Variants in ACAP1 observed in about 807,000 individuals in gnomAD.
The protein encoded by ACAP1 is ArfGAP with coiled-coil, ankyrin repeat and PH domains 1, also known as arf-GAP with coiled-coil, ANK repeat and PH domain-containing protein 1.
In ACAP1, 45 loss-of-function variants were observed where a neutral mutation model predicts 98.8. That is an observed-to-expected ratio of 0.46 (90% CI 0.36 to 0.58). The LOEUF (loss-of-function observed/expected upper bound fraction) is 0.58, where lower values mean the gene tolerates loss of function less well. ACAP1 is among the 20% of genes least tolerant of loss of function. The pLI, the probability that ACAP1 is intolerant of heterozygous loss-of-function variation, is 0.00. For synonymous variants in ACAP1, 362 were observed against 375.3 expected (o/e 0.96, Z 0.41); for missense variants, 735 against 971.4 (o/e 0.76, Z 3.24).
Position 7,351,349 on chromosome 17 carries a change from A to C in ACAP1, c.2177A>C (p.Asp726Ala). The C allele has an allele frequency of 2.5e-6, 4 of 1,613,580 alleles. No homozygotes were observed. Among genetic ancestry groups the C allele is most frequent in the Non-Finnish European group, 2.5e-6 (3 of 1,179,760 alleles). The change falls in exon 22 of 22, where the codon GAC (aspartate) becomes GCC (alanine). Residue 726 changes from aspartate (D) to alanine (A), a missense_variant. Coordinates refer to ENST00000158762, the MANE Select transcript of ACAP1 (RefSeq NM_014716.4). ...GACTTCTCCCTCATGGCGTCAGACG[A>C]CCCGGAGAAGCTGAGCCGTCGCAGT... ...FRDFSLMASD[D>A]PEKLSRRSHD...
chr17:7,346,774 AC>A (rs2073350378), intron 12 of ACAP1, 33 bp from the exon 13 acceptor site: 9 of 1,594,418 alleles, frequency 5.6e-6, no homozygotes, highest in Non-Finnish European at 7.7e-6. Flanking sequence ...CAGGCCTCAG[AC>A]CCCTCTGCCA....
rs191833549 is a variant in ACAP1 at position 7,336,755 on chromosome 17, C to T, written c.21C>T (p.Phe7=). The T allele has an allele frequency of 1.9e-4, 299 of 1,613,930 alleles. No individual in the cohort carries two copies. The Middle Eastern group carries it at 3.0e-3, about 16-fold the overall frequency. Residue 7 remains phenylalanine (F), a synonymous_variant, in exon 1 of 22, where the codon TTC becomes TTT. Transcript: ENST00000158762. ...CTGAGATGACGGTCAAGCTGGATTT[C>T]GAGGAGTGTCTCAAGGACTCACCCC... The part of the protein sequence containing the change: MTVKLD[F]EECLKDSPRF...
chr17:7,348,292 C>T lies in ACAP1; in HGVS notation c.1509-14C>T. The T allele has an allele frequency of 6.3e-7, 1 of 1,593,472 alleles. No individual in the cohort carries two copies. The highest frequency in any genetic ancestry group is 8.6e-7 in the Non-Finnish European group (1 of 1,168,082). The stretch of plus-strand genomic sequence containing the variant: ...GCAGAAGAGGGAAGACTGCGTGCTT[C>T]TCCCCTCCCACAGGCAGGAGAAGGA... On this transcript the variant is annotated splice_polypyrimidine_tract_variant and intron_variant, in intron 16 of 21. Coordinates refer to ENST00000158762, the MANE Select transcript of ACAP1 (RefSeq NM_014716.4).
chr17:7,348,450 G>A lies in ACAP1; in HGVS notation c.1653G>A (p.Arg551=), dbSNP rs1378388739. 2.0e-6 allele frequency: 3 copies of A among 1,488,730 alleles called. No homozygotes were observed. Among genetic ancestry groups the A allele is most frequent in the Non-Finnish European group, 2.7e-6 (3 of 1,119,690 alleles). The allele number at this position is 1,488,730 out of a possible 1,614,324, so 92.2% of individuals were successfully genotyped here. A position where few individuals can be genotyped will look rare whatever the true frequency, so the allele number is the denominator to read the frequency against. The change falls in exon 17 of 22, where the codon CGG becomes CGA. Residue 551 remains arginine, a synonymous_variant. Transcript: ENST00000158762. ...PVPPKPSIRP[R]PGSLRSKPEP... ...CCCCAAAGCCTTCCATCAGGCCCCG[G>A]CCAGGGAGCTTGAGATCCAAGCCAG... is the stretch of plus-strand genomic sequence containing the variant.
At chr17:7,346,786 T>C in intron 12 of ACAP1, 22 bp from the exon 13 acceptor site, 1 of 1,602,690 alleles carries the variant, frequency 6.2e-7, no homozygotes, top group Non-Finnish European at 8.5e-7. Context: ...CCCTCTGCCA[T>C]CTCCCTCACC....
chr17:7,343,885 G>C lies in ACAP1; in HGVS notation c.598G>C (p.Ala200Pro). 1.2e-6 allele frequency: 2 copies of C among 1,613,334 alleles called. No individual in the cohort carries two copies. Among genetic ancestry groups the C allele is most frequent in the South Asian group, 1.1e-5 (1 of 91,038 alleles). Residue 200 changes from alanine (A) to proline (P), a missense_variant, in exon 8 of 22, where the codon GCT becomes CCT. Ala to Pro is a conservative substitution (Grantham distance 27). This residue lies in a region of ACAP1 where 430 missense variants were observed against 531.8 expected (regional missense o/e 0.81). Transcript: ENST00000158762. The surrounding 1 kb of genome is among the most constrained non-coding windows in gnomAD (Gnocchi z 4.9). ...EFVLRLVEAQ[A>P]THFQQGHEEL... Reference sequence around the variant, plus strand: ...GGTGCTGCGTTTGGTGGAGGCCCAGGCTACCCATTTCCAGCAGGGCCATGA... The same window carrying C: ...GGTGCTGCGTTTGGTGGAGGCCCAGCCTACCCATTTCCAGCAGGGCCATGA...
At chr17:7,336,846 A>G in intron 1 of ACAP1, 59 bp downstream of exon 1, 11 of 1,573,976 alleles carry the variant, frequency 7.0e-6, no homozygotes, top group Non-Finnish European at 9.6e-6. Flanking sequence ...CCCAGCACAC[A>G]CACACCTTTC....
chr17:7,349,270 G>C (rs2073378931), intron 18 of ACAP1, 103 bp downstream of exon 18: 2 of 1,285,784 alleles, frequency 1.6e-6, no homozygotes, highest in African/African-American at 3.0e-5. Flanking sequence ...TGTTCCCTAG[G>C]GCTTCCACCC....
At chr17:7,347,599 A>G (rs946247260) in intron 14 of ACAP1, 2 of 532,132 alleles carry the variant, frequency 3.8e-6, no homozygotes, top group African/African-American at 3.8e-5. Flanking sequence ...CCCCCACCTC[A>G]GTGTGGTGGA....
chr17:7,342,189 A>T (rs562232065), intron 3 of ACAP1, 86 bp from the exon 4 acceptor site: 2 of 1,606,422 alleles, frequency 1.2e-6, no homozygotes, highest in East Asian at 2.2e-5. Flanking sequence ...GCTGCTGTCC[A>T]TGACAGCCGT....
chr17:7,346,283 G>A lies in ACAP1; in HGVS notation c.894G>A (p.Gln298=). ...TTCAGAGCAACCAACTGGTTTACCAGAAGAAGTACAAGGTGAGTGGACCTG... is the reference window on the plus strand; with the variant it reads ...TTCAGAGCAACCAACTGGTTTACCAAAAGAAGTACAAGGTGAGTGGACCTG... ...FTIQSNQLVY[Q]KKYKDPVTVV... is the part of the protein sequence containing the mutation. Residue 298 remains glutamine, a synonymous_variant, in exon 11 of 22, where the codon CAG becomes CAA. Coordinates refer to ENST00000158762, the MANE Select transcript of ACAP1 (RefSeq NM_014716.4). The A allele has an allele frequency of 6.2e-7, 1 of 1,614,194 alleles. No homozygotes were observed.
chr17:7,350,296 A>T lies in ACAP1; in HGVS notation c.2072+59A>T, dbSNP rs1426996165. ...GGACTCCCCCCACCCCCGCCCACCC[A>T]CGTTCGGGCGGGCGGGCGGGGCTGA... is the stretch of plus-strand genomic sequence containing the variant. On this transcript the variant is annotated intron_variant, in intron 20 of 21. Coordinates refer to ENST00000158762, the MANE Select transcript of ACAP1 (RefSeq NM_014716.4). The surrounding 1 kb of genome is among the most constrained non-coding windows in gnomAD (Gnocchi z 4.6). 8.0e-7 allele frequency: 1 copy of T among 1,242,844 alleles called. No individual in the cohort carries two copies. The allele number at this position is 1,242,844 out of a possible 1,614,324, so 77.0% of individuals were successfully genotyped here. A position where few individuals can be genotyped will look rare whatever the true frequency, so the allele number is the denominator to read the frequency against.
Position 7,349,080 on chromosome 17 carries a change from G to T in ACAP1, c.1764G>T (p.Met588Ile). The change falls in exon 18 of 22, where the codon ATG becomes ATT. Residue 588 changes from methionine to isoleucine, a missense_variant. Transcript: ENST00000158762. Reference sequence around the variant, plus strand: ...GGCATCCTCCATCTCTTCCCACCATGGCTGATGCCCTTGCCCATGGAGCTG... The same window carrying T: ...GGCATCCTCCATCTCTTCCCACCATTGCTGATGCCCTTGCCCATGGAGCTG... ...ASGHPPSLPT[M>I]ADALAHGADV... is the part of the protein sequence containing the mutation. The T allele has an allele frequency of 1.9e-6, 3 of 1,614,006 alleles. No homozygotes were observed. The highest frequency in any genetic ancestry group is 2.5e-6 in the Non-Finnish European group (3 of 1,180,010).
chr17:7,341,688 A>G (rs933682098), intron 2 of ACAP1, among the ~76,000 whole-genome samples: 1 of 152,202 alleles, frequency 6.6e-6, no homozygotes, highest in African/African-American at 2.4e-5. Flanking sequence ...AGGCTGACAG[A>G]GGTGTTGGCG....
Position 7,344,272 on chromosome 17 carries a change from G to A in ACAP1, c.744+149G>A, listed in dbSNP as rs766375545. Reference sequence around the variant, plus strand: ...ACAGAAAATTTTAAAATTAGCTGGTGTGGTGGCATGCACCTCTAGTTCTAG... The same window carrying A: ...ACAGAAAATTTTAAAATTAGCTGGTATGGTGGCATGCACCTCTAGTTCTAG... On this transcript the variant is annotated intron_variant, in intron 9 of 21. Transcript: ENST00000158762. This position sits in a 1 kb window ranked among gnomAD's most constrained non-coding sequence, Gnocchi z 4.9. 21 of 941,198 alleles carry A rather than the reference G, an allele frequency of 2.2e-5. No homozygotes were observed. The highest frequency in any genetic ancestry group is 3.2e-5 in the Non-Finnish European group (20 of 619,742). 58.3% of individuals were successfully genotyped at this position (941,198 alleles called of 1,614,324 possible). A position where few individuals can be genotyped will look rare whatever the true frequency, so the allele number is the denominator to read the frequency against.
rs114480544 is a variant in ACAP1 at position 7,347,880 on chromosome 17, C to A, written c.1344-42C>A. On this transcript the variant is annotated intron_variant, in intron 14 of 21. Transcript: ENST00000158762. ...GCAGCAGCAGCTCCCCAGGCCACTG[C>A]CCCCCTGCACAGGGCCTGACCCTCC... 3 of 1,554,434 alleles carry A rather than the reference C, an allele frequency of 1.9e-6. No homozygotes were observed. In the African/African-American group the frequency reaches 4.1e-5, roughly 21 times the overall value.
intron 5 of ACAP1, 126 bp downstream of exon 5, chr17:7,342,600 CA>C: frequency 5.5e-6 from 6 of 1,088,418 alleles, no homozygotes; most frequent in Non-Finnish European, 8.0e-6. Flanking sequence ...ACTGTCTCCA[CA>C]AAAAATACAA....
At chr17:7,348,617 G>A (rs1321289257) in intron 17 of ACAP1, 142 bp downstream of exon 17, 16 of 945,096 alleles carry the variant, frequency 1.7e-5, no homozygotes, top group South Asian at 1.1e-4. Flanking sequence ...CAGGGGTTAC[G>A]GTGGAGTGTG....
At position 7,338,512 on chromosome 17, in the gene ACAP1, C is replaced by T. The variant is rs555386526; in HGVS notation, c.111+1143C>T. ...TCCTGACCTCAAATGATCTACCTGC[C>T]GCAGCCTCCCAAAGTGCTGGCATTA... On this transcript the variant is annotated intron_variant, in intron 2 of 21. Coordinates refer to ENST00000158762, the MANE Select transcript of ACAP1 (RefSeq NM_014716.4). Among the ~76,000 whole-genome samples, 96 of 152,174 alleles carry T rather than the reference C, an allele frequency of 6.3e-4. 1 individual carries two copies. Among genetic ancestry groups the T allele is most frequent in the African/African-American group, 2.2e-3 (93 of 41,534 alleles).
Sources: allele counts gnomAD v4.1 joint callset (sites outside exome capture counted in the v4.1 genomes callset), GRCh38; gene constraint gnomAD v4.1.1; regional missense constraint gnomAD v4.1.1; non-coding constraint Gnocchi (gnomAD v3.1); transcripts MANE v1.5; gene names NCBI Gene and HGNC (gene_info 2026-07-23, HGNC 2026-07-21).